The following ADGRL3 variants were observed in gnomAD, a reference collection of about 807,000 sequenced individuals.
ADGRL3 encodes the protein calcium-independent alpha-latrotoxin receptor 3.
Under a neutral mutation model 153.5 loss-of-function variants are expected in ADGRL3, and 62 were observed. The observed-to-expected ratio is 0.40, with a 90% CI of 0.33 to 0.50. ADGRL3 has a LOEUF of 0.50. Among genes scored for constraint, ADGRL3 ranks in the 20% least tolerant of loss-of-function variants. The pLI is 0.47. For missense variants in ADGRL3, 1,641 were observed against 1,859.4 expected (o/e 0.88, Z 2.16); for synonymous variants, 710 against 672.5 (o/e 1.06, Z -0.86).
At chr4:61,479,733 G>A (rs186407996) in intron 2 of ADGRL3, among the ~76,000 whole-genome samples, 1 of 152,184 alleles carries the variant, frequency 6.6e-6, no homozygotes, top group East Asian at 1.9e-4. Context: ...GACCATAATA[G>A]TGTTTGCATA....
At chr4:61,998,315 C>A in intron 21 of ADGRL3, 50 bp downstream of exon 21, 1 of 886,062 alleles carries the variant, frequency 1.1e-6, no homozygotes, top group South Asian at 1.8e-5. Context: ...CATTTATACT[C>A]CAAACTATCC....
chr4:61,405,663 A>T (rs1456865), intron 2 of ADGRL3, among the ~76,000 whole-genome samples: 151,947 of 152,044 alleles, frequency 1, 75,925 homozygotes, highest in Middle Eastern at 1. Flanking sequence ...AGTATTTTTT[A>T]AAATATTTAG....
intron 3 of ADGRL3, among the ~76,000 whole-genome samples, chr4:61,502,187 A>G (rs2098393465): frequency 6.6e-6 from 1 of 152,156 alleles, no homozygotes; most frequent in African/African-American, 2.4e-5. Flanking sequence ...TAGGCAGTAA[A>G]GAAACATCAA....
In ADGRL3 at chr4:61,646,281, A is replaced by G. The variant is rs369398951; in HGVS notation, c.474-30545A>G. On this transcript the variant is annotated intron_variant, in intron 5 of 26. Transcript: ENST00000683033. ...TGATCGTCTGAAGCCTTCTTCTCTCAGCTCGTCAAAGTCATTCTCCATCCA... is the reference window on the plus strand; with the variant it reads ...TGATCGTCTGAAGCCTTCTTCTCTCGGCTCGTCAAAGTCATTCTCCATCCA... Among the ~76,000 whole-genome samples, 64 of 152,250 alleles carry G rather than the reference A, an allele frequency of 4.2e-4. No individual in the cohort carries two copies. In the East Asian group the frequency reaches 7.2e-3, roughly 17 times the overall value.
intron 1 of ADGRL3, among the ~76,000 whole-genome samples, chr4:61,370,066 G>A (rs1385792362): frequency 4.6e-5 from 7 of 151,912 alleles, no homozygotes; most frequent in Non-Finnish European, 7.4e-5. Flanking sequence ...CTGTGGGATC[G>A]GTGGTGATAT....
At chr4:61,768,997 T>G (rs2097045737) in intron 8 of ADGRL3, among the ~76,000 whole-genome samples, 1 of 151,758 alleles carries the variant, frequency 6.6e-6, no homozygotes, top group Non-Finnish European at 1.5e-5. Context: ...ATTGGGGGGT[T>G]CTTGCCCCCT....
intron 6 of ADGRL3, among the ~76,000 whole-genome samples, chr4:61,687,869 G>A (rs1386378891): frequency 6.6e-6 from 1 of 151,868 alleles, no homozygotes; most frequent in Non-Finnish European, 1.5e-5. Context: ...CATATTTATT[G>A]ACTTACAGTT....
At chr4:61,306,407 T>C (rs562112954) in intron 1 of ADGRL3, among the ~76,000 whole-genome samples, 17 of 152,248 alleles carry the variant, frequency 1.1e-4, no homozygotes, top group Admixed American at 9.2e-4. Flanking sequence ...CAAGAACTTC[T>C]AACTGTGGGC....
At chr4:61,417,501 G>A (rs1280292221) in intron 2 of ADGRL3, among the ~76,000 whole-genome samples, 3 of 145,686 alleles carry the variant, frequency 2.1e-5, no homozygotes, top group Admixed American at 6.9e-5. Flanking sequence ...AAACAAAAAC[G>A]AAAAAAAACA....
chr4:62,017,377 T>C (rs886517759), intron 21 of ADGRL3, among the ~76,000 whole-genome samples: 1 of 151,808 alleles, frequency 6.6e-6, no homozygotes, highest in Non-Finnish European at 1.5e-5. Flanking sequence ...GTTTTCTAAA[T>C]TGTTTTGTAT....
intron 8 of ADGRL3, among the ~76,000 whole-genome samples, chr4:61,764,833 C>T (rs1041138771): frequency 3.3e-5 from 5 of 151,308 alleles, no homozygotes; most frequent in African/African-American, 9.8e-5. Context: ...TTAGGGGCGG[C>T]GTGGGAACCT....
chr4:62,062,730 T>C (rs1553920961), intron 25 of ADGRL3, among the ~76,000 whole-genome samples: 2 of 152,086 alleles, frequency 1.3e-5, no homozygotes, highest in Admixed American at 6.6e-5. Flanking sequence ...CATTGTTTCA[T>C]TGCTATGTCA....
chr4:61,230,504 T>C (rs1170182833), intron 1 of ADGRL3, among the ~76,000 whole-genome samples: 1 of 152,130 alleles, frequency 6.6e-6, no homozygotes, highest in East Asian at 1.9e-4. Context: ...ATCCTGAATG[T>C]GTTTCTTTGA....
At chr4:61,417,252 G>C (rs1291833222) in intron 2 of ADGRL3, among the ~76,000 whole-genome samples, 1 of 152,062 alleles carries the variant, frequency 6.6e-6, no homozygotes, top group Non-Finnish European at 1.5e-5. Context: ...CCAGCACTTT[G>C]GGAGGCGGGC....
At chr4:61,894,040 T>C (rs2149623621) in intron 10 of ADGRL3, among the ~76,000 whole-genome samples, 1 of 152,244 alleles carries the variant, frequency 6.6e-6, no homozygotes, top group East Asian at 1.9e-4. Context: ...CTGATATCAT[T>C]CATAATATCT....
intron 25 of ADGRL3, among the ~76,000 whole-genome samples, chr4:62,059,117 C>G (rs1376375492): frequency 6.6e-6 from 1 of 152,066 alleles, no homozygotes. Flanking sequence ...GTAGTACCTT[C>G]TAGGAAAATT....
chr4:61,401,458 A>G (rs889498444), intron 2 of ADGRL3, among the ~76,000 whole-genome samples: 57 of 152,110 alleles, frequency 3.7e-4, no homozygotes, highest in African/African-American at 1.3e-3. Flanking sequence ...GAAAACAAAT[A>G]CGTTTCACAC....
intron 1 of ADGRL3, among the ~76,000 whole-genome samples, chr4:61,229,557 G>A (rs1749626622): frequency 1.3e-5 from 2 of 151,030 alleles, no homozygotes; most frequent in African/African-American, 4.9e-5. Context: ...TTTTAATCCT[G>A]TATTGGGTAT....
At chr4:61,350,607 A>C (rs1296400008) in intron 1 of ADGRL3, among the ~76,000 whole-genome samples, 1 of 152,108 alleles carries the variant, frequency 6.6e-6, no homozygotes, top group South Asian at 2.1e-4. Flanking sequence ...TGGCATATAC[A>C]CACTTTATGT....
Sources: allele counts gnomAD v4.1 joint callset (sites outside exome capture counted in the v4.1 genomes callset), GRCh38; gene constraint gnomAD v4.1.1; transcripts MANE v1.5; gene names NCBI Gene and HGNC (gene_info 2026-07-23, HGNC 2026-07-21).